CGB2: variants seen among roughly 807,000 people sequenced by gnomAD.
CGB2 encodes choriogonadotropin subunit beta variant 2.
CGB2 carries 4 observed loss-of-function variants against 7.1 expected under a neutral mutation model. That is an observed-to-expected ratio of 0.57 (90% confidence interval 0.28 to 1.29). The LOEUF is 1.29. Ranked by LOEUF, CGB2 falls within the 50% of genes most tolerant of loss-of-function variation. The probability of loss-of-function intolerance (pLI) is 0.10; values close to 1 mark genes in which losing one functional copy is unlikely to be tolerated. For synonymous variants in CGB2, 51 were observed against 100.3 expected (o/e 0.51, Z 2.94); for missense variants, 88 against 224.0 (o/e 0.39, Z 3.88).
In CGB2 at chr19:49,032,303, G is replaced by A; in HGVS notation, c.9+199G>A. 3 of 1,579,812 alleles carry A rather than the reference G, an allele frequency of 1.9e-6. No homozygotes were observed. In the South Asian group the frequency reaches 3.4e-5, roughly 18 times the overall value. On this transcript the variant is annotated intron_variant, in intron 1 of 2. Transcript: ENST00000359342. ...TCAGGTGGGGCAGTTCCTGAGGGTG[G>A]GGATCTAAAATGTTGGGGTATCTGA...
Position 49,031,978 on chromosome 19 carries a change from G to C in CGB2, c.-118G>C. 16 of 1,449,432 alleles carry C rather than the reference G, an allele frequency of 1.1e-5. No individual in the cohort carries two copies. The highest frequency in any genetic ancestry group is 1.5e-5 in the Non-Finnish European group (16 of 1,032,616). 89.8% of individuals were successfully genotyped at this position (1,449,432 alleles called of 1,614,324 possible). A position where few individuals can be genotyped will look rare whatever the true frequency, so the allele number is the denominator to read the frequency against. ...AATTGGGTCCGCTGACTCCGGCCGG[G>C]TTCCCGTGCCGCGTCCAACACCCCT... is the stretch of plus-strand genomic sequence containing the variant. On this transcript the variant is annotated 5_prime_UTR_variant, in exon 1 of 3. Coordinates refer to ENST00000359342, the MANE Select transcript of CGB2 (RefSeq NM_033378.2).
At chr19:49,032,434 A>C (rs1600219606) in intron 1 of CGB2, 70 bp from the exon 2 acceptor site, 9 of 1,593,344 alleles carry the variant, frequency 5.6e-6, no homozygotes, top group East Asian at 2.2e-5. Flanking sequence ...GTGGTGTACC[A>C]CGCGGGATGG....
At chr19:49,032,393 G>C in intron 1 of CGB2, 111 bp from the exon 2 acceptor site, 1 of 1,600,604 alleles carries the variant, frequency 6.2e-7, no homozygotes, top group Non-Finnish European at 8.5e-7. Flanking sequence ...CTGAATAGGA[G>C]ATGCCACGAA....
At chr19:49,032,275 G>T (rs2039745906) in intron 1 of CGB2, 171 bp downstream of exon 1, 2 of 1,597,612 alleles carry the variant, frequency 1.3e-6, no homozygotes, top group East Asian at 2.2e-5. Flanking sequence ...CCCCCAGTAA[G>T]CTTCAGGTGG....
intron 1 of CGB2, 62 bp downstream of exon 1, chr19:49,032,166 C>A: frequency 6.2e-7 from 1 of 1,613,974 alleles, no homozygotes; most frequent in Non-Finnish European, 8.5e-7. Flanking sequence ...GACTGCAGGG[C>A]CCCTGGGCAC....
intron 1 of CGB2, 92 bp downstream of exon 1, chr19:49,032,196 C>T: frequency 6.2e-7 from 1 of 1,613,894 alleles, no homozygotes. Context: ...GCTTCCAGGC[C>T]ATCACTGGCA....
intron 1 of CGB2, 122 bp from the exon 2 acceptor site, chr19:49,032,382 C>T: frequency 1.3e-6 from 2 of 1,598,568 alleles, no homozygotes; most frequent in Non-Finnish European, 1.7e-6. Flanking sequence ...GGTGGTGGGT[C>T]CTGAATAGGA....
intron 1 of CGB2, 25 bp from the exon 2 acceptor site, chr19:49,032,478 CG>C (rs2039750243): frequency 6.4e-7 from 1 of 1,556,570 alleles, no homozygotes; most frequent in Admixed American, 1.9e-5. Flanking sequence ...GTCTCAGACC[CG>C]GGTGAAGCAG....
chr19:49,032,070 G>A lies in CGB2; in HGVS notation c.-26G>A, dbSNP rs746243374. 10 of 1,613,716 alleles carry A rather than the reference G, an allele frequency of 6.2e-6. No individual in the cohort carries two copies. The highest frequency in any genetic ancestry group is 4.0e-5 in the African/African-American group (3 of 74,904). Reference sequence around the variant, plus strand: ...CCATGTCCACATCCCCAGTGCTTGCGGAAGATATCCCGCTAAGAGAGAGAC... The same window carrying A: ...CCATGTCCACATCCCCAGTGCTTGCAGAAGATATCCCGCTAAGAGAGAGAC... On this transcript the variant is annotated 5_prime_UTR_variant, in exon 1 of 3. Transcript: ENST00000359342.
chr19:49,032,160 G>A (rs990092630), intron 1 of CGB2, 56 bp downstream of exon 1: 25 of 1,613,822 alleles, frequency 1.5e-5, no homozygotes, highest in African/African-American at 5.3e-5. Context: ...AGGAAAGACT[G>A]CAGGGCCCCT....
Position 49,031,907 on chromosome 19 carries a change from G to A in CGB2, c.-189G>A. 1.1e-5 allele frequency: 8 copies of A among 717,962 alleles called. No individual in the cohort carries two copies. The highest frequency in any genetic ancestry group is 1.9e-5 in the Non-Finnish European group (8 of 421,906). 44.5% of individuals were successfully genotyped at this position (717,962 alleles called of 1,614,324 possible). The stretch of plus-strand genomic sequence containing the variant: ...CAGTGAGGGCCCTGCGTTCCGTGGC[G>A]CCCCCTGGAGGGAGGAAGGGGAACT... On this transcript the variant is annotated 5_prime_UTR_variant, in exon 1 of 3. Transcript: ENST00000359342.
At chr19:49,032,180 C>G (rs1286198290) in intron 1 of CGB2, 76 bp downstream of exon 1, 1 of 1,613,854 alleles carries the variant, frequency 6.2e-7, no homozygotes, top group African/African-American at 1.3e-5. Flanking sequence ...TGGGCACCTT[C>G]CACCTGCTTC....
intron 1 of CGB2, 35 bp downstream of exon 1, chr19:49,032,139 G>A (rs200232165): frequency 6.2e-7 from 1 of 1,613,802 alleles, no homozygotes; most frequent in Non-Finnish European, 8.5e-7. Flanking sequence ...CACCAAAGAT[G>A]GAGATGTTCC....
chr19:49,033,168 C>A lies in CGB2; in HGVS notation c.439C>A (p.Pro147Thr), dbSNP rs200930560. 1.5e-4 allele frequency: 240 copies of A among 1,611,146 alleles called. 2 individuals carry two copies. The South Asian group carries it at 1.7e-3, about 12-fold the overall frequency. Residue 147 changes from proline to threonine, a missense_variant, in exon 3 of 3, where the codon CCA (proline) becomes ACA (threonine). Physicochemically the swap from Pro to Thr is conservative, Grantham distance 38 (BLOSUM62 -1). Transcript: ENST00000359342. ...CTCAAAGGCCCCTCCCCCCAGCCTT[C>A]CAAGCCCATCCCGACTCCCGGGGCC... is the stretch of plus-strand genomic sequence containing the variant. Reference protein sequence around the residue: ...SSSKAPPPSLPSPSRLPGPSD... With the variant: ...SSSKAPPPSLTSPSRLPGPSD...
In CGB2 at chr19:49,031,950, G is replaced by C. The variant is rs1477101101; in HGVS notation, c.-146G>C. ...GGGGAACTGTATCTGAGAGAGAGCAGCCAATTGGGTCCGCTGACTCCGGCC... is the reference window on the plus strand; with the variant it reads ...GGGGAACTGTATCTGAGAGAGAGCACCCAATTGGGTCCGCTGACTCCGGCC... On this transcript the variant is annotated 5_prime_UTR_variant, in exon 1 of 3. Coordinates refer to ENST00000359342, the MANE Select transcript of CGB2 (RefSeq NM_033378.2). 9 of 1,083,322 alleles carry C rather than the reference G, an allele frequency of 8.3e-6. No homozygotes were observed. Among genetic ancestry groups the C allele is most frequent in the Non-Finnish European group, 8.4e-6 (6 of 715,002 alleles). 67.1% of individuals were successfully genotyped at this position (1,083,322 alleles called of 1,614,324 possible).
At chr19:49,032,177 C>T (rs1380277569) in intron 1 of CGB2, 73 bp downstream of exon 1, 3 of 1,613,842 alleles carry the variant, frequency 1.9e-6, no homozygotes, top group South Asian at 1.1e-5. Flanking sequence ...CCCTGGGCAC[C>T]TTCCACCTGC....
At chr19:49,032,285 G>A (rs1600219400) in intron 1 of CGB2, 181 bp downstream of exon 1, 24 of 1,592,368 alleles carry the variant, frequency 1.5e-5, no homozygotes, top group Middle Eastern at 1.8e-4. Context: ...GCTTCAGGTG[G>A]GGCAGTTCCT....
In CGB2 at chr19:49,031,977, G is replaced by A. The variant is rs1473987610; in HGVS notation, c.-119G>A. 1 of 1,438,158 alleles carries A rather than the reference G, an allele frequency of 7.0e-7. No individual in the cohort carries two copies. Among genetic ancestry groups the A allele is most frequent in the East Asian group, 2.3e-5 (1 of 43,736 alleles). The allele number at this position is 1,438,158 out of a possible 1,614,324, so 89.1% of individuals were successfully genotyped here. A position where few individuals can be genotyped will look rare whatever the true frequency, so the allele number is the denominator to read the frequency against. ...CAATTGGGTCCGCTGACTCCGGCCGGGTTCCCGTGCCGCGTCCAACACCCC... is the reference window on the plus strand; with the variant it reads ...CAATTGGGTCCGCTGACTCCGGCCGAGTTCCCGTGCCGCGTCCAACACCCC... On this transcript the variant is annotated 5_prime_UTR_variant, in exon 1 of 3. Coordinates refer to ENST00000359342, the MANE Select transcript of CGB2 (RefSeq NM_033378.2).
chr19:49,032,686 G>A lies in CGB2; in HGVS notation c.177+15G>A. ...GCCCCACCATGGTGAGCTGCCCGGGGCCGGGGCAGGTGCTGCCACCTCAGG... is the reference window on the plus strand; with the variant it reads ...GCCCCACCATGGTGAGCTGCCCGGGACCGGGGCAGGTGCTGCCACCTCAGG... On this transcript the variant is annotated intron_variant, in intron 2 of 2. Coordinates refer to ENST00000359342, the MANE Select transcript of CGB2 (RefSeq NM_033378.2). 1 of 1,138,970 alleles carries A rather than the reference G, an allele frequency of 8.8e-7. No individual in the cohort carries two copies. Among genetic ancestry groups the A allele is most frequent in the South Asian group, 1.5e-5 (1 of 65,508 alleles). 70.6% of individuals were successfully genotyped at this position (1,138,970 alleles called of 1,614,324 possible).
Sources: allele counts gnomAD v4.1 joint callset, GRCh38; gene constraint gnomAD v4.1.1; transcripts MANE v1.5; gene names NCBI Gene and HGNC (gene_info 2026-07-23, HGNC 2026-07-21).